F8: variants seen among roughly 807,000 people sequenced by gnomAD.
The protein encoded by F8 is antihemophilic factor.
F8 carries 12 observed loss-of-function variants against 140.6 expected under a neutral mutation model. That is an observed-to-expected ratio of 0.09 (90% CI 0.05 to 0.14). The LOEUF (loss-of-function observed/expected upper bound fraction) is 0.14. Among genes scored for constraint, F8 ranks in the 10% least tolerant of loss-of-function variants. The pLI, the probability that F8 is intolerant of heterozygous loss-of-function variation, is 1.00. For synonymous variants in F8, 585 were observed against 614.6 expected, an observed-to-expected ratio of 0.95 and a Z score of 0.71; for missense variants, 1,354 against 1,720.7, an observed-to-expected ratio of 0.79 and a Z score of 3.77.
intron 4 of F8, among the ~76,000 whole-genome samples, chrX:154,992,136 T>C (rs1421612481): frequency 1.8e-5 from 2 of 111,826 alleles, no homozygotes; most frequent in Non-Finnish European, 3.8e-5. Flanking sequence ...TGATTTCAGC[T>C]CTAGCCACTG....
At position 154,904,823 on chromosome X, in the gene F8, A is replaced by G; in HGVS notation, c.5574T>C (p.Ser1858=). 8.3e-7 allele frequency: 1 copy of G among 1,210,856 alleles called. No homozygotes were observed. The highest frequency in any genetic ancestry group is 1.1e-6 in the Non-Finnish European group (1 of 894,568). The change falls in exon 16 of 26, where the codon TCT becomes TCC. Residue 1858 remains serine, a synonymous_variant. Coordinates refer to ENST00000360256, the MANE Select transcript of F8 (RefSeq NM_000132.4). ...GACACCTGCTTACCAGGTCAACATCAGAGAAATAAGCCCAGGCTTTGCAGT... is the reference window on the plus strand; with the variant it reads ...GACACCTGCTTACCAGGTCAACATCGGAGAAATAAGCCCAGGCTTTGCAGT... The part of the protein sequence containing the change: ...EFDCKAWAYF[S]DVDLEKDVHS...
intron 2 of F8, among the ~76,000 whole-genome samples, chrX:154,998,957 G>C (rs781798668): frequency 1.8e-5 from 2 of 111,218 alleles, no homozygotes; most frequent in African/African-American, 3.3e-5. Context: ...CTTGACATGA[G>C]GGACAGGCCT....
chrX:154,910,009 T>TA (rs1376162730), intron 14 of F8, among the ~76,000 whole-genome samples: 1 of 111,940 alleles, frequency 8.9e-6, no homozygotes, highest in African/African-American at 3.3e-5. Flanking sequence ...ATCAGACTGT[T>TA]ACTGTGTCTA....
At chrX:154,891,395 T>TA (rs1557275173) in intron 22 of F8, among the ~76,000 whole-genome samples, 2 of 113,104 alleles carry the variant, frequency 1.8e-5, no homozygotes, top group African/African-American at 6.4e-5. Context: ...TTAAACATCA[T>TA]AAAAAGTATT....
At chrX:154,909,125 G>T in intron 14 of F8, 1 of 276,543 alleles carries the variant, frequency 3.6e-6, no homozygotes. Context: ...TTGTCCCCAA[G>T]AAGAGCTTCA....
chrX:154,953,659 G>A (rs1344777603), intron 12 of F8, among the ~76,000 whole-genome samples: 1 of 111,722 alleles, frequency 9.0e-6, no homozygotes, highest in East Asian at 2.8e-4. Context: ...AGGAGATAGG[G>A]AATTAAAAGG....
chrX:154,962,796 G>GTTGA (rs1346231425), intron 9 of F8, among the ~76,000 whole-genome samples: 3 of 110,412 alleles, frequency 2.7e-5, no homozygotes, highest in African/African-American at 9.9e-5. Flanking sequence ...AGCCCAGGAA[G>GTTGA]TTGAGGCTGC....
At chrX:154,996,826 A>C in intron 3 of F8, 147 bp downstream of exon 3, 1 of 677,303 alleles carries the variant, frequency 1.5e-6, no homozygotes, top group Non-Finnish European at 2.4e-6. Flanking sequence ...CCCTATCTTG[A>C]GATATTTATA....
chrX:154,930,359 C>A lies in F8; in HGVS notation c.3431G>T (p.Ser1144Ile). ...TCCTAAGGATACTAATTGCTTTGGA[C>A]TGGGGCCTTGCCCAGAGTTCAGAGA... The part of the protein sequence containing the change: ...KNSLNSGQGP[S>I]PKQLVSLGPE... The change falls in exon 14 of 26, where the codon AGT becomes ATT. Residue 1144 changes from serine (S) to isoleucine (I), a missense_variant. By Grantham distance (142) the Ser-to-Ile change is moderately radical. Around this residue, in one of 4 missense-constraint regions of F8, gnomAD observed 658 missense variants for 666.5 expected, o/e 0.99. Coordinates refer to ENST00000360256, the MANE Select transcript of F8 (RefSeq NM_000132.4). 8.3e-7 allele frequency: 1 copy of A among 1,210,728 alleles called. No individual in the cohort carries two copies. The highest frequency in any genetic ancestry group is 1.1e-6 in the Non-Finnish European group (1 of 894,732).
chrX:154,860,540 A>G lies in F8; in HGVS notation c.6792T>C (p.Thr2264=). ...TGGTAAGCAGAGATTTTACTCCCTG[A>G]GTAGTTACTCCTGTGACTTTCATTG... ...QKTMKVTGVT[T]QGVKSLLTSM... The change falls in exon 25 of 26, where the codon ACT becomes ACC. Residue 2264 remains threonine (T), a synonymous_variant. Transcript: ENST00000360256. 1 of 1,211,288 alleles carries G rather than the reference A, an allele frequency of 8.3e-7. No individual in the cohort carries two copies. The highest frequency in any genetic ancestry group is 1.1e-6 in the Non-Finnish European group (1 of 895,109).
intron 22 of F8, among the ~76,000 whole-genome samples, chrX:154,878,727 T>C (rs1279462476): frequency 5.4e-5 from 6 of 111,846 alleles, no homozygotes; most frequent in Admixed American, 9.5e-5. Context: ...AGCTTATGTA[T>C]GGAAAACCCC....
intron 14 of F8, chrX:154,920,304 C>A (rs1340962868): frequency 9.1e-6 from 1 of 109,679 alleles, no homozygotes; most frequent in Non-Finnish European, 1.9e-5. Flanking sequence ...ATGCTTTGGA[C>A]CTTTTTAAAA....
intron 13 of F8, among the ~76,000 whole-genome samples, chrX:154,945,982 T>C (rs1202001647): frequency 9.0e-6 from 1 of 111,135 alleles, no homozygotes; most frequent in Non-Finnish European, 1.9e-5. Context: ...TTAAAAATCA[T>C]TTACAATAGC....
At chrX:154,922,653 A>G (rs2073138577) in intron 14 of F8, among the ~76,000 whole-genome samples, 1 of 112,404 alleles carries the variant, frequency 8.9e-6, no homozygotes, top group Admixed American at 9.5e-5. Context: ...AAGTAAGAGA[A>G]CTTGCATTAG....
rs1557275925 is a variant in F8, at chrX:154,901,451, A to C, written c.6116-9T>G. On this transcript the variant is annotated splice_polypyrimidine_tract_variant and intron_variant, in intron 19 of 25. Transcript: ENST00000360256. ...CAGGGGAGTCTGACACTCTGAAATG[A>C]AACGGGTGGAACACAGTAACTAGAA... 7 of 1,138,359 alleles carry C rather than the reference A, an allele frequency of 6.1e-6. 1 individual carries two copies. Among genetic ancestry groups the C allele is most frequent in the Non-Finnish European group, 8.5e-6 (7 of 828,235 alleles). 93.8% of individuals were successfully genotyped at this position (1,138,359 alleles called of 1,213,427 possible). A position where few individuals can be genotyped will look rare whatever the true frequency, so the allele number is the denominator to read the frequency against.
chrX:154,935,780 A>G (rs782083568), intron 13 of F8, among the ~76,000 whole-genome samples: 1 of 111,802 alleles, frequency 8.9e-6, no homozygotes, highest in South Asian at 3.7e-4. Flanking sequence ...CTGAACAACT[A>G]GAAGGAAAAA....
intron 1 of F8, among the ~76,000 whole-genome samples, chrX:155,020,582 T>TG (rs782473401): frequency 8.9e-6 from 1 of 112,151 alleles, no homozygotes; most frequent in East Asian, 2.8e-4. Flanking sequence ...CAATAGATCT[T>TG]GGGGAAAACT....
chrX:154,982,461 A>AT (rs2124128340), intron 6 of F8, among the ~76,000 whole-genome samples: 9 of 101,058 alleles, frequency 8.9e-5, no homozygotes, highest in South Asian at 4.1e-4. Context: ...AAAAAAAAAA[A>AT]AAAATATATA....
chrX:154,987,016 A>C (rs1191317418), intron 5 of F8, among the ~76,000 whole-genome samples: 2 of 112,016 alleles, frequency 1.8e-5, no homozygotes, highest in African/African-American at 6.5e-5. Context: ...AGTCTTAATG[A>C]GGGGGATGAG....
Sources: allele counts gnomAD v4.1 joint callset (sites outside exome capture counted in the v4.1 genomes callset), GRCh38; gene constraint gnomAD v4.1.1; regional missense constraint gnomAD v4.1.1; transcripts MANE v1.5; gene names NCBI Gene and HGNC (gene_info 2026-07-23, HGNC 2026-07-21).